EDA: variants seen among roughly 807,000 people sequenced by gnomAD.
The protein encoded by EDA is ectodysplasin-A.
Under a neutral mutation model 23.6 loss-of-function variants are expected in EDA, and 2 were observed. That is an observed-to-expected ratio of 0.08 (90% CI 0.03 to 0.27). The LOEUF (loss-of-function observed/expected upper bound fraction) is 0.27, where lower values mean the gene tolerates loss of function less well. EDA is among the 10% of genes least tolerant of loss of function. EDA has a pLI of 1.00. For missense variants in EDA, 229 were observed against 324.2 expected, an observed-to-expected ratio of 0.71 and a Z score of 2.26; for synonymous variants, 131 against 132.0, an observed-to-expected ratio of 0.99 and a Z score of 0.05.
At chrX:69,898,499 T>C (rs190859360) in intron 1 of EDA, among the ~76,000 whole-genome samples, 2 of 110,688 alleles carry the variant, frequency 1.8e-5, no homozygotes, top group Admixed American at 9.6e-5. Flanking sequence ...CGAGAATCGC[T>C]TGAAACCCGG....
intron 1 of EDA, among the ~76,000 whole-genome samples, chrX:69,788,070 C>G (rs2015258946): frequency 1.8e-5 from 2 of 111,471 alleles, no homozygotes; most frequent in Non-Finnish European, 3.8e-5. Flanking sequence ...ACCCTTTCTT[C>G]CAGTTGATCA....
chrX:69,828,336 G>A (rs1488265448), intron 1 of EDA, among the ~76,000 whole-genome samples: 1 of 112,320 alleles, frequency 8.9e-6, no homozygotes, highest in Non-Finnish European at 1.9e-5. Flanking sequence ...AGACTGCTGT[G>A]CTAGCAATCA....
At chrX:69,974,362 G>A (rs2019288496) in intron 2 of EDA, among the ~76,000 whole-genome samples, 1 of 110,872 alleles carries the variant, frequency 9.0e-6, no homozygotes, top group South Asian at 3.8e-4. Flanking sequence ...AATGAAATAT[G>A]TAGAAGAATG....
At chrX:69,650,499 G>A (rs1350322365) in intron 1 of EDA, among the ~76,000 whole-genome samples, 1 of 111,665 alleles carries the variant, frequency 9.0e-6, no homozygotes, top group Non-Finnish European at 1.9e-5. Flanking sequence ...ATAAGTTCTA[G>A]TGTTTGATAG....
chrX:69,798,015 G>A (rs2015583781), intron 1 of EDA, among the ~76,000 whole-genome samples: 1 of 111,826 alleles, frequency 8.9e-6, no homozygotes, highest in South Asian at 3.7e-4. Flanking sequence ...AAGTGAGCAG[G>A]AGTAGCTATA....
At chrX:69,818,085 C>T (rs2016122646) in intron 1 of EDA, among the ~76,000 whole-genome samples, 1 of 111,642 alleles carries the variant, frequency 9.0e-6, no homozygotes, top group Admixed American at 9.5e-5. Context: ...ACCACACAAC[C>T]ACCTGGAAAT....
At chrX:69,751,741 C>T (rs1055855816) in intron 1 of EDA, among the ~76,000 whole-genome samples, 5 of 111,562 alleles carry the variant, frequency 4.5e-5, no homozygotes, top group Admixed American at 3.8e-4. Flanking sequence ...AGGTCCTTCA[C>T]ATCCCTTGTA....
chrX:69,749,716 A>G (rs919888612), intron 1 of EDA: 24 of 111,541 alleles, frequency 2.2e-4, no homozygotes, highest in African/African-American at 7.8e-4. Flanking sequence ...AAAAGAGCTG[A>G]TAAAGACCTT....
Position 69,920,030 on chromosome X carries a change from C to T in EDA, c.397-36997C>T, listed in dbSNP as rs1427437644. On this transcript the variant is annotated intron_variant, in intron 1 of 7. Coordinates refer to ENST00000374552, the MANE Select transcript of EDA (RefSeq NM_001399.5). ...CAGTGAGAGCAGCTTCTTTTGTATG[C>T]ATACTTTTCTCCTTCTTTTCCTTTG... Among the ~76,000 whole-genome samples, 4 of 111,093 alleles carry T rather than the reference C, an allele frequency of 3.6e-5. No individual in the cohort carries two copies. The East Asian group carries it at 1.1e-3, about 32-fold the overall frequency.
intron 1 of EDA, among the ~76,000 whole-genome samples, chrX:69,669,986 C>G (rs1039580051): frequency 8.1e-5 from 9 of 111,571 alleles, no homozygotes; most frequent in African/African-American, 2.9e-4. Flanking sequence ...TTACCTCTAC[C>G]AGTAAGTTTT....
At chrX:69,747,194 A>T (rs901554559) in intron 1 of EDA, among the ~76,000 whole-genome samples, 1 of 112,158 alleles carries the variant, frequency 8.9e-6, no homozygotes, top group African/African-American at 3.2e-5. Flanking sequence ...GCTAGTAATG[A>T]TGGAAAGGAT....
chrX:69,994,138 T>C (rs1430937505), intron 2 of EDA, among the ~76,000 whole-genome samples: 43 of 111,528 alleles, frequency 3.9e-4, no homozygotes, highest in African/African-American at 1.4e-3. Context: ...GAAGAAGTTG[T>C]AGTAAGTGGC....
chrX:69,978,168 A>C (rs1434350599), intron 2 of EDA, among the ~76,000 whole-genome samples: 1 of 107,859 alleles, frequency 9.3e-6, no homozygotes, highest in Non-Finnish European at 1.9e-5. Context: ...TCTTTTAAAA[A>C]ATTAAGACAA....
chrX:70,005,044 C>T (rs926788926), intron 2 of EDA, among the ~76,000 whole-genome samples: 41 of 111,612 alleles, frequency 3.7e-4, no homozygotes, highest in African/African-American at 1.3e-3. Flanking sequence ...TGCAATGGGC[C>T]ATGATTGTGC....
At chrX:69,697,236 G>A (rs192892001) in intron 1 of EDA, among the ~76,000 whole-genome samples, 40 of 111,530 alleles carry the variant, frequency 3.6e-4, no homozygotes, top group African/African-American at 1.2e-3. Context: ...TAACTGCTAC[G>A]CGGTACCCTG....
chrX:69,681,624 G>A (rs1156581371), intron 1 of EDA, among the ~76,000 whole-genome samples: 1 of 110,638 alleles, frequency 9.0e-6, no homozygotes, highest in Non-Finnish European at 1.9e-5. Flanking sequence ...CGGCTCCTGA[G>A]GCTTCTGCAT....
intron 1 of EDA, among the ~76,000 whole-genome samples, chrX:69,709,815 T>C (rs769742984): frequency 6.3e-5 from 7 of 111,855 alleles, no homozygotes; most frequent in African/African-American, 2.3e-4. Context: ...CATTTTAAAC[T>C]GATGTTGTTA....
intron 1 of EDA, among the ~76,000 whole-genome samples, chrX:69,704,168 A>G: frequency 8.9e-6 from 1 of 112,123 alleles, no homozygotes; most frequent in African/African-American, 3.2e-5. Flanking sequence ...GACATCAATC[A>G]GTTCATGTAA....
intron 1 of EDA, among the ~76,000 whole-genome samples, chrX:69,851,785 A>G (rs1027621177): frequency 8.9e-6 from 1 of 111,990 alleles, no homozygotes; most frequent in Non-Finnish European, 1.9e-5. Context: ...TCTTTGGTCC[A>G]GTGTCATCCC....
Sources: gnomAD v4.1 joint callset for allele counts (sites outside exome capture counted in the v4.1 genomes callset) on GRCh38, gnomAD v4.1.1 for gene constraint, MANE v1.5 for transcripts, NCBI Gene and HGNC (gene_info 2026-07-23, HGNC 2026-07-21) for gene names.